Variants in GNAT3 observed in about 807,000 individuals in gnomAD.
GNAT3 encodes guanine nucleotide-binding protein G(t) subunit alpha-3.
Under a neutral mutation model 37.7 loss-of-function variants are expected in GNAT3, and 31 were observed. The ratio of observed to expected loss-of-function variants is 0.82; its 90% CI spans 0.62 to 1.11. The LOEUF (loss-of-function observed/expected upper bound fraction) is 1.11. Ranked by LOEUF, GNAT3 falls within the 50% of genes most tolerant of loss-of-function variation. GNAT3 has a pLI of 0.00. For synonymous variants in GNAT3, 138 were observed against 139.8 expected (o/e 0.99, Z 0.09); for missense variants, 437 against 412.5 (o/e 1.06, Z -0.51).
rs77122245 is a variant in GNAT3 at position 80,486,960 on chromosome 7, T to A, written c.303+1575A>T. Among the ~76,000 whole-genome samples the A allele has an allele frequency of 2.7e-3, 405 of 152,214 alleles. 1 individual carries two copies. Among genetic ancestry groups the A allele is most frequent in the African/African-American group, 9.2e-3 (381 of 41,546 alleles). On this transcript the variant is annotated intron_variant, in intron 3 of 7. Coordinates refer to ENST00000398291, the MANE Select transcript of GNAT3 (RefSeq NM_001102386.3). Reference sequence around the variant, plus strand: ...ATCATTAAATCATTCTCAAAGGAATTCAGAGGGTACGTCTATTTTTGTAAC... The same window carrying A: ...ATCATTAAATCATTCTCAAAGGAATACAGAGGGTACGTCTATTTTTGTAAC...
chr7:80,507,719 T>G (rs1790976431), intron 1 of GNAT3, among the ~76,000 whole-genome samples: 4 of 152,020 alleles, frequency 2.6e-5, no homozygotes, highest in Admixed American at 2.6e-4. Context: ...GCTGCATGGT[T>G]AAACCTATTT....
Position 80,462,524 on chromosome 7 carries a change from AC to A in GNAT3, c.697del (p.Val233SerfsTer8), listed in dbSNP as rs771399138. 10 of 1,613,486 alleles carry A rather than the reference AC, an allele frequency of 6.2e-6. 1 individual carries two copies. The South Asian group carries it at 1.1e-4, about 18-fold the overall frequency. On this transcript the variant is annotated frameshift_variant, in exon 6 of 8. Transcript: ENST00000398291. LOFTEE classifies it high-confidence loss of function. ...FCAALSAYDM[V>X]LVEDEEVNRM... Reference sequence around the variant, plus strand: ...TACCACTTCTTCGTCTTCCACGAGGACCATGTCATAGGCACTAAGTGCAGCA... The same window carrying A: ...TACCACTTCTTCGTCTTCCACGAGGACATGTCATAGGCACTAAGTGCAGCA...
intron 3 of GNAT3, among the ~76,000 whole-genome samples, chr7:80,482,148 C>CT (rs1467630334): frequency 6.6e-6 from 1 of 152,142 alleles, no homozygotes; most frequent in South Asian, 2.1e-4. Context: ...CGGAGTTTGG[C>CT]TTTTTTGTCA....
At chr7:80,490,054 C>A (rs1012011914) in intron 2 of GNAT3, among the ~76,000 whole-genome samples, 4 of 152,038 alleles carry the variant, frequency 2.6e-5, no homozygotes, top group African/African-American at 7.2e-5. Flanking sequence ...TGAGATAGAG[C>A]ACTCCAACTG....
chr7:80,482,087 T>G (rs1333723805), intron 3 of GNAT3, among the ~76,000 whole-genome samples: 2 of 152,200 alleles, frequency 1.3e-5, no homozygotes, highest in Non-Finnish European at 2.9e-5. Context: ...GGCTGTGCCA[T>G]GGGTCATGGC....
chr7:80,477,216 T>C (rs577867901), intron 4 of GNAT3, among the ~76,000 whole-genome samples: 1 of 152,270 alleles, frequency 6.6e-6, no homozygotes, highest in South Asian at 2.1e-4. Flanking sequence ...TGTACAAGAC[T>C]AAATATATTA....
At chr7:80,465,161 A>G (rs929593614) in intron 5 of GNAT3, among the ~76,000 whole-genome samples, 1 of 152,204 alleles carries the variant, frequency 6.6e-6, no homozygotes, top group Non-Finnish European at 1.5e-5. Flanking sequence ...TTGTTAGTCC[A>G]TAAAAACAAC....
chr7:80,462,455 C>T (rs1380165632), intron 6 of GNAT3, 47 bp downstream of exon 6: 3 of 1,602,166 alleles, frequency 1.9e-6, no homozygotes, highest in Non-Finnish European at 1.7e-6. Flanking sequence ...TACTGAAAAG[C>T]ACAAAGATTA....
chr7:80,504,889 C>T (rs538426278), intron 1 of GNAT3, among the ~76,000 whole-genome samples: 6 of 152,214 alleles, frequency 3.9e-5, no homozygotes, highest in South Asian at 2.1e-4. Context: ...AAATGTGCGA[C>T]GAGCTGCCTT....
chr7:80,503,170 T>C (rs180847182), intron 1 of GNAT3, among the ~76,000 whole-genome samples: 9 of 152,310 alleles, frequency 5.9e-5, no homozygotes, highest in Non-Finnish European at 1.2e-4. Context: ...ATAAATGACT[T>C]TCTTCTAGCT....
chr7:80,475,753 GA>G (rs1790292368), intron 4 of GNAT3, among the ~76,000 whole-genome samples: 1 of 152,014 alleles, frequency 6.6e-6, no homozygotes, highest in South Asian at 2.1e-4. Context: ...ATTCTTGGAG[GA>G]TCTTTTTCCT....
intron 5 of GNAT3, among the ~76,000 whole-genome samples, chr7:80,464,958 T>C (rs1790108619): frequency 6.6e-6 from 1 of 152,094 alleles, no homozygotes; most frequent in Non-Finnish European, 1.5e-5. Context: ...AAGAATATTA[T>C]ATGTGCTACT....
At chr7:80,461,523 A>T (rs1446124635) in intron 7 of GNAT3, among the ~76,000 whole-genome samples, 3 of 152,176 alleles carry the variant, frequency 2.0e-5, no homozygotes, top group Non-Finnish European at 1.5e-5. Flanking sequence ...CCATCTCAAA[A>T]AAGAAAAATA....
In GNAT3 at chr7:80,475,361, TAA is replaced by T. The variant is rs79721201; in HGVS notation, c.462-984_462-983del. Among the ~76,000 whole-genome samples, 394 of 121,014 alleles carry T rather than the reference TAA, an allele frequency of 3.3e-3. 7 individuals are homozygous for T. In the East Asian group the frequency reaches 0.046, roughly 14 times the overall value. The allele number at this position is 121,014 out of a possible 152,430, so 79.4% of individuals were successfully genotyped here. A position where few individuals can be genotyped will look rare whatever the true frequency, so the allele number is the denominator to read the frequency against. On this transcript the variant is annotated intron_variant, in intron 4 of 7. Coordinates refer to ENST00000398291, the MANE Select transcript of GNAT3 (RefSeq NM_001102386.3). The stretch of plus-strand genomic sequence containing the variant: ...TTGAAACGAGATAATGTCTTCATAC[TAA>T]AAAAAAAAAAAAAAAGTGTTTTATT...
At chr7:80,507,504 G>T (rs1035622479) in intron 1 of GNAT3, among the ~76,000 whole-genome samples, 9 of 151,872 alleles carry the variant, frequency 5.9e-5, no homozygotes, top group African/African-American at 2.2e-4. Flanking sequence ...TTATGCCAAA[G>T]AATAAACCAC....
chr7:80,458,934 G>T, intron 7 of GNAT3, 73 bp from the exon 8 acceptor site: 1 of 1,012,998 alleles, frequency 9.9e-7, no homozygotes. Flanking sequence ...AATAATATCA[G>T]CAAATTTTAG....
intron 1 of GNAT3, among the ~76,000 whole-genome samples, chr7:80,505,444 G>A (rs1790915909): frequency 6.6e-6 from 1 of 152,168 alleles, no homozygotes; most frequent in South Asian, 2.1e-4. Flanking sequence ...TCGGCTCACT[G>A]CAAGCTCCGC....
intron 3 of GNAT3, among the ~76,000 whole-genome samples, chr7:80,480,562 T>C (rs936765947): frequency 1.3e-5 from 2 of 152,126 alleles, no homozygotes; most frequent in African/African-American, 4.8e-5. Flanking sequence ...AATAAAAGAA[T>C]GGCTACTCCA....
chr7:80,505,051 T>G (rs993852098), intron 1 of GNAT3, among the ~76,000 whole-genome samples: 1 of 152,182 alleles, frequency 6.6e-6, no homozygotes, highest in African/African-American at 2.4e-5. Flanking sequence ...TACAGAGGGA[T>G]CAGGGTTAGA....
Sources: gnomAD v4.1 joint callset for allele counts (sites outside exome capture counted in the v4.1 genomes callset) on GRCh38, gnomAD v4.1.1 for gene constraint, MANE v1.5 for transcripts, NCBI Gene and HGNC (gene_info 2026-07-23, HGNC 2026-07-21) for gene names.